Variants in NRDC observed in about 807,000 individuals in gnomAD.
NRDC encodes the protein nardilysin.
In NRDC, 54 loss-of-function variants were observed where a neutral mutation model predicts 147.1. That is an observed-to-expected ratio of 0.37 (90% CI 0.29 to 0.46). The LOEUF is 0.46. Ranked by LOEUF, NRDC falls within the 20% of genes least tolerant of loss-of-function variation. The pLI, the probability that NRDC is intolerant of heterozygous loss-of-function variation, is 1.00. For synonymous variants in NRDC, 440 were observed against 482.1 expected, an observed-to-expected ratio of 0.91 and a Z score of 1.14; for missense variants, 1,082 against 1,370.6, an observed-to-expected ratio of 0.79 and a Z score of 3.33.
chr1:51,856,048 A>G (rs1375281690), intron 1 of NRDC, among the ~76,000 whole-genome samples: 1 of 152,222 alleles, frequency 6.6e-6, no homozygotes, highest in Non-Finnish European at 1.5e-5. Flanking sequence ...TCCAGTGCTG[A>G]TAAGTGGACA....
chr1:51,846,019 C>T (rs1271983949), intron 1 of NRDC, among the ~76,000 whole-genome samples: 1 of 151,352 alleles, frequency 6.6e-6, no homozygotes, highest in Non-Finnish European at 1.5e-5. Flanking sequence ...AAAGTTACAA[C>T]AACAGAACTA....
At position 51,790,938 on chromosome 1, in the gene NRDC, TCTC is replaced by T. The variant is rs1678605696; in HGVS notation, c.3010_3012del (p.Glu1004del). 2.5e-6 allele frequency: 4 copies of T among 1,613,892 alleles called. No homozygotes were observed. The highest frequency in any genetic ancestry group is 2.5e-6 in the Non-Finnish European group (3 of 1,179,916). ...GCCTCTTCAGTGAGGTTCTCAATCT[TCTC>T]CTCAAAGCTAGAAAGAAACTCTTCT... On this transcript the variant is annotated inframe_deletion, in exon 28 of 31. Coordinates refer to ENST00000352171, the MANE Select transcript of NRDC (RefSeq NM_001101662.2).
At chr1:51,800,848 G>T in intron 20 of NRDC, 165 bp from the exon 21 acceptor site, 1 of 653,352 alleles carries the variant, frequency 1.5e-6, no homozygotes, top group Non-Finnish European at 2.6e-6. Flanking sequence ...TTGTTTGTTT[G>T]GGTGTTACCT....
At chr1:51,867,544 C>T (rs1462985828) in intron 1 of NRDC, among the ~76,000 whole-genome samples, 1 of 151,998 alleles carries the variant, frequency 6.6e-6, no homozygotes, top group Non-Finnish European at 1.5e-5. Context: ...CTAGATAATC[C>T]AAAATTTAGA....
intron 22 of NRDC, among the ~76,000 whole-genome samples, chr1:51,797,795 G>A (rs564208600): frequency 1.3e-5 from 2 of 152,246 alleles, no homozygotes; most frequent in South Asian, 4.1e-4. Context: ...TTTTGAGACA[G>A]GGTCTTACTC....
chr1:51,821,479 A>G lies in NRDC; in HGVS notation c.1217+19T>C. 1 of 1,536,992 alleles carries G rather than the reference A, an allele frequency of 6.5e-7. No individual in the cohort carries two copies. Among genetic ancestry groups the G allele is most frequent in the African/African-American group, 1.4e-5 (1 of 73,512 alleles). On this transcript the variant is annotated intron_variant, in intron 8 of 30. Transcript: ENST00000352171. ...CTTTAACTCTGAAGGTGTATGATGTATGAAAATAAATATCTTACTTGTTTG... is the reference window on the plus strand; with the variant it reads ...CTTTAACTCTGAAGGTGTATGATGTGTGAAAATAAATATCTTACTTGTTTG...
intron 1 of NRDC, among the ~76,000 whole-genome samples, chr1:51,872,523 C>T (rs1011574906): frequency 2.6e-5 from 4 of 152,000 alleles, no homozygotes; most frequent in Non-Finnish European, 4.4e-5. Flanking sequence ...GGCAACAGAG[C>T]GAAACCCAAC....
chr1:51,810,194 C>A (rs935736364), intron 16 of NRDC, 87 bp downstream of exon 16: 48 of 1,052,406 alleles, frequency 4.6e-5, no homozygotes, highest in African/African-American at 6.6e-5. Flanking sequence ...CTTTTTCCCC[C>A]TCTAGAACCA....
chr1:51,840,567 A>G, intron 1 of NRDC, 53 bp from the exon 2 acceptor site: 2 of 1,188,782 alleles, frequency 1.7e-6, no homozygotes, highest in Non-Finnish European at 1.2e-6. Context: ...TCTTTACACC[A>G]ATACAAGTAA....
At chr1:51,845,654 C>T (rs894984348) in intron 1 of NRDC, among the ~76,000 whole-genome samples, 4 of 152,184 alleles carry the variant, frequency 2.6e-5, no homozygotes, top group Admixed American at 1.3e-4. Flanking sequence ...TCTGACCACA[C>T]TACCTAAAAT....
intron 1 of NRDC, among the ~76,000 whole-genome samples, chr1:51,876,295 T>C (rs891978570): frequency 2.6e-4 from 40 of 152,302 alleles, no homozygotes; most frequent in African/African-American, 9.6e-4. Context: ...TCCGAAACAC[T>C]CGGGACCAAA....
At chr1:51,812,961 C>CAAAAA (rs5774107) in intron 14 of NRDC, among the ~76,000 whole-genome samples, 24 of 71,790 alleles carry the variant, frequency 3.3e-4, no homozygotes, top group African/African-American at 5.0e-4. Context: ...GACTCTGTCT[C>CAAAAA]AAAAAAAAAA....
At chr1:51,860,787 T>C (rs55787329) in intron 1 of NRDC, among the ~76,000 whole-genome samples, 4,833 of 152,318 alleles carry the variant, frequency 0.032, 116 homozygotes, top group Non-Finnish European at 0.042. Context: ...ACCACCTTTA[T>C]AATATAGTAG....
chr1:51,804,713 C>T (rs527400933), intron 19 of NRDC, among the ~76,000 whole-genome samples: 19 of 147,942 alleles, frequency 1.3e-4, no homozygotes, highest in African/African-American at 4.8e-4. Context: ...TGTTCAGATA[C>T]ATTTCCCAAG....
chr1:51,790,179 A>G (rs1678532766), intron 29 of NRDC, among the ~76,000 whole-genome samples: 1 of 152,212 alleles, frequency 6.6e-6, no homozygotes, highest in Admixed American at 6.5e-5. Context: ...GAAGTTGTCA[A>G]AACACATGCA....
chr1:51,878,024 T>C, intron 1 of NRDC: 2 of 1,349,200 alleles, frequency 1.5e-6, no homozygotes. Context: ...ATTCTTGCTT[T>C]AGCGACTGTA....
intron 1 of NRDC, among the ~76,000 whole-genome samples, chr1:51,867,405 T>TA (rs907976826): frequency 2.6e-4 from 39 of 150,714 alleles, no homozygotes; most frequent in Non-Finnish European, 3.3e-4. Flanking sequence ...ATAAGTGCTA[T>TA]AAAAAAAAAG....
rs1325473829 is a variant in NRDC at position 51,878,460 on chromosome 1, T to C, written c.156A>G (p.Gly52=). ...ARPFPILAMP[G]RNKAKSTCSC... ...TGCAGGTAGACTTCGCCTTGTTCCT[T>C]CCAGGCATGGCCAGAATAGGAAAGG... The change falls in exon 1 of 31, where the codon GGA becomes GGG. Residue 52 remains glycine, a synonymous_variant. Transcript: ENST00000352171. 1.2e-6 allele frequency: 2 copies of C among 1,613,984 alleles called. No homozygotes were observed. The highest frequency in any genetic ancestry group is 1.7e-6 in the Non-Finnish European group (2 of 1,180,028).
In NRDC at chr1:51,806,809, A is replaced by G; in HGVS notation, c.2095T>C (p.Phe699Leu). ...GCLWYKKDNK[F>L]KIPKAYIRFH... ...AACATTTTACCTTTGGGGATTTTGA[A>G]TTTGTTGTCTTTCTTATACCACAGG... Residue 699 changes from phenylalanine (F) to leucine (L), a missense_variant, in exon 18 of 31, where the codon TTC (phenylalanine) becomes CTC (leucine). Coordinates refer to ENST00000352171, the MANE Select transcript of NRDC (RefSeq NM_001101662.2). 1 of 1,613,560 alleles carries G rather than the reference A, an allele frequency of 6.2e-7. No individual in the cohort carries two copies. Among genetic ancestry groups the G allele is most frequent in the Non-Finnish European group, 8.5e-7 (1 of 1,179,808 alleles).
Sources: allele counts gnomAD v4.1 joint callset (sites outside exome capture counted in the v4.1 genomes callset), GRCh38; gene constraint gnomAD v4.1.1; transcripts MANE v1.5; gene names NCBI Gene and HGNC (gene_info 2026-07-23, HGNC 2026-07-21).